Variants in ARHGAP26 observed in about 807,000 individuals in gnomAD.
ARHGAP26 encodes Rho GTPase activating protein 26, also known as rho GTPase-activating protein 26.
Under a neutral mutation model 104.8 loss-of-function variants are expected in ARHGAP26, and 38 were observed. The observed-to-expected ratio is 0.36, with a 90% CI of 0.28 to 0.48. The LOEUF (loss-of-function observed/expected upper bound fraction) is 0.48. Ranked by LOEUF, ARHGAP26 falls within the 20% of genes least tolerant of loss-of-function variation. The pLI is 0.99. For missense variants in ARHGAP26, 704 were observed against 947.9 expected (o/e 0.74, Z 3.38); for synonymous variants, 341 against 340.0 (o/e 1.00, Z -0.03).
At chr5:142,818,218 A>T (rs897766247) in intron 1 of ARHGAP26, among the ~76,000 whole-genome samples, 1 of 103,560 alleles carries the variant, frequency 9.7e-6, no homozygotes, top group African/African-American at 4.5e-5. Flanking sequence ...CAATTATTGT[A>T]AAAAAAAAAA....
Position 143,008,465 on chromosome 5 carries a change from C to T in ARHGAP26, c.1108-5615C>T, listed in dbSNP as rs902884600. ...CCAGCCTGTTGTTTTAAGATGTTGA[C>T]ACATTGCCTTATTCAGTGTGTCTCC... On this transcript the variant is annotated intron_variant, in intron 11 of 22. Coordinates refer to ENST00000645722, the MANE Select transcript of ARHGAP26 (RefSeq NM_001135608.3). Among the ~76,000 whole-genome samples, 4 of 152,166 alleles carry T rather than the reference C, an allele frequency of 2.6e-5. No individual in the cohort carries two copies. In the East Asian group the frequency reaches 7.7e-4, roughly 29 times the overall value.
intron 11 of ARHGAP26, among the ~76,000 whole-genome samples, chr5:143,012,552 C>CATATATATATACATACATATATATATAT (rs1778948145): frequency 4.8e-5 from 1 of 20,846 alleles, no homozygotes; most frequent in Admixed American, 7.9e-4. Flanking sequence ...TACATACATA[C>CATATATATATACATACATATATATATAT]ATATATATAT....
At chr5:143,058,219 T>C (rs1311115409) in intron 17 of ARHGAP26, 42 of 373,038 alleles carry the variant, frequency 1.1e-4, no homozygotes, top group Non-Finnish European at 9.7e-5. Context: ...CTGAACTTTC[T>C]ATTCCTTAGT....
At chr5:142,924,597 T>A (rs1303232269) in intron 10 of ARHGAP26, among the ~76,000 whole-genome samples, 3 of 152,224 alleles carry the variant, frequency 2.0e-5, no homozygotes, top group African/African-American at 7.2e-5. Flanking sequence ...GGGCTGCCAG[T>A]TGCAGCATCT....
intron 20 of ARHGAP26, among the ~76,000 whole-genome samples, chr5:143,165,635 T>C (rs1010880019): frequency 1.3e-5 from 2 of 152,310 alleles, no homozygotes; most frequent in South Asian, 2.1e-4. Context: ...TGTGATGTTA[T>C]GAGGACTGGG....
intron 17 of ARHGAP26, among the ~76,000 whole-genome samples, chr5:143,093,269 G>T (rs1348556455): frequency 6.6e-6 from 1 of 151,974 alleles, no homozygotes; most frequent in Non-Finnish European, 1.5e-5. Context: ...TGCCGCTACA[G>T]GTTGAATGCA....
intron 17 of ARHGAP26, among the ~76,000 whole-genome samples, chr5:143,088,642 A>G (rs762840380): frequency 6.6e-6 from 1 of 152,180 alleles, no homozygotes; most frequent in Non-Finnish European, 1.5e-5. Context: ...CGAATATAAA[A>G]TTTTCTTTAT....
At chr5:142,949,204 A>AGGGGAGAG (rs1222849216) in intron 11 of ARHGAP26, among the ~76,000 whole-genome samples, 1 of 40,592 alleles carries the variant, frequency 2.5e-5, no homozygotes, top group African/African-American at 2.2e-4. Flanking sequence ...AGAGAGAGAG[A>AGGGGAGAG]GAGAGAGAGA....
intron 21 of ARHGAP26, among the ~76,000 whole-genome samples, chr5:143,213,364 G>A (rs1191766017): frequency 1.4e-4 from 22 of 152,036 alleles, no homozygotes; most frequent in Admixed American, 1.4e-3. Context: ...ACAGGTGCAC[G>A]TGTGTGCTCA....
chr5:142,777,811 G>A (rs957705681), intron 1 of ARHGAP26, among the ~76,000 whole-genome samples: 2 of 152,166 alleles, frequency 1.3e-5, no homozygotes, highest in Non-Finnish European at 2.9e-5. Flanking sequence ...GAAGGCGAAT[G>A]CACAAAGAGA....
intron 11 of ARHGAP26, chr5:142,946,652 C>T (rs771407353): frequency 6.6e-6 from 1 of 152,092 alleles, no homozygotes; most frequent in Non-Finnish European, 1.5e-5. Context: ...GACCTAGAGG[C>T]ATTATGAGTA....
At chr5:142,847,867 G>A (rs888792986) in intron 1 of ARHGAP26, among the ~76,000 whole-genome samples, 1 of 152,236 alleles carries the variant, frequency 6.6e-6, no homozygotes, top group African/African-American at 2.4e-5. Context: ...ATTGCTGGTG[G>A]AGTGAACATC....
chr5:142,940,291 T>G (rs1010826746), intron 11 of ARHGAP26, among the ~76,000 whole-genome samples: 2 of 152,180 alleles, frequency 1.3e-5, no homozygotes, highest in African/African-American at 4.8e-5. Context: ...CAGGCCTCAG[T>G]CCTTTCTGAG....
chr5:143,038,619 A>G (rs1782990445), intron 13 of ARHGAP26, among the ~76,000 whole-genome samples: 1 of 150,678 alleles, frequency 6.6e-6, no homozygotes, highest in Non-Finnish European at 1.5e-5. Flanking sequence ...ACAGTGGTAC[A>G]TCTGTGTAGT....
intron 17 of ARHGAP26, 154 bp downstream of exon 17, chr5:143,057,901 C>T: frequency 1.3e-6 from 1 of 746,770 alleles, no homozygotes; most frequent in Non-Finnish European, 2.4e-6. Context: ...ATGTTCATTG[C>T]AGTGGAGAAC....
At chr5:142,842,269 T>A (rs981618639) in intron 1 of ARHGAP26, among the ~76,000 whole-genome samples, 1 of 152,188 alleles carries the variant, frequency 6.6e-6, no homozygotes, top group Non-Finnish European at 1.5e-5. Flanking sequence ...ATTTCAAGAA[T>A]TTTTTTGTGT....
intron 11 of ARHGAP26, among the ~76,000 whole-genome samples, chr5:143,004,017 C>CAAAAAAAAAAA (rs144058530): frequency 8.5e-6 from 1 of 118,174 alleles, no homozygotes; most frequent in African/African-American, 3.7e-5. Flanking sequence ...AATTTATAGA[C>CAAAAAAAAAAA]AAAAAAAAAA....
chr5:143,106,597 C>T (rs1023511276), intron 17 of ARHGAP26, among the ~76,000 whole-genome samples: 13 of 151,580 alleles, frequency 8.6e-5, no homozygotes, highest in Admixed American at 6.6e-4. Flanking sequence ...CTCAGCCTCC[C>T]GAGTAGCTGG....
intron 11 of ARHGAP26, among the ~76,000 whole-genome samples, chr5:142,990,619 G>A (rs1451138510): frequency 6.6e-6 from 1 of 152,178 alleles, no homozygotes; most frequent in African/African-American, 2.4e-5. Flanking sequence ...CTTTGATGAT[G>A]GTGACGTACA....
Sources: allele counts gnomAD v4.1 joint callset (sites outside exome capture counted in the v4.1 genomes callset), GRCh38; gene constraint gnomAD v4.1.1; transcripts MANE v1.5; gene names NCBI Gene and HGNC (gene_info 2026-07-23, HGNC 2026-07-21).